The following RGS6 variants were observed in gnomAD, a reference collection of about 807,000 sequenced individuals.
RGS6 encodes the protein regulator of G-protein signaling 6.
Under a neutral mutation model 78.5 loss-of-function variants are expected in RGS6, and 30 were observed. The observed-to-expected ratio is 0.38, with a 90% CI of 0.29 to 0.52. The LOEUF is 0.52. Among genes scored for constraint, RGS6 ranks in the 20% least tolerant of loss-of-function variants. RGS6 has a pLI of 0.85. For missense variants in RGS6, 495 were observed against 609.7 expected (o/e 0.81, Z 1.98); for synonymous variants, 206 against 206.0 (o/e 1.00, Z 0.00).
Position 72,458,326 on chromosome 14 carries a change from C to T in RGS6, c.291C>T (p.Ile97=). ...CTGCCCAGGGCTACATCTTTCCAAT[C>T]TCAGACCATGTTCTCACCATGAAGG... ...LIAAQGYIFP[I]SDHVLTMKDD... The change falls in exon 5 of 18, where the codon ATC becomes ATT. Residue 97 remains isoleucine, a synonymous_variant. Transcript: ENST00000553525. The T allele has an allele frequency of 6.2e-7, 1 of 1,614,214 alleles. No individual in the cohort carries two copies. Among genetic ancestry groups the T allele is most frequent in the South Asian group, 1.1e-5 (1 of 91,076 alleles).
At chr14:72,504,311 AT>A (rs1401540941) in intron 13 of RGS6, among the ~76,000 whole-genome samples, 1 of 152,238 alleles carries the variant, frequency 6.6e-6, no homozygotes, top group Non-Finnish European at 1.5e-5. Context: ...GTGCTTAACA[AT>A]TCTGTCTTTA....
rs546556141 is a variant in RGS6 at position 71,990,643 on chromosome 14, C to T, written c.84+25768C>T. ...TCCTTCTTCGTCTTCATTCCCGGGGCAGCTTCTTCTGCCCACCCCGTGAAA... is the reference window on the plus strand; with the variant it reads ...TCCTTCTTCGTCTTCATTCCCGGGGTAGCTTCTTCTGCCCACCCCGTGAAA... On this transcript the variant is annotated intron_variant, in intron 2 of 17. Coordinates refer to ENST00000553525, the MANE Select transcript of RGS6 (RefSeq NM_001204424.2). The T allele has an allele frequency of 1.2e-3, 556 of 456,024 alleles. 3 individuals are homozygous for T. The highest frequency in any genetic ancestry group is 9.8e-3 in the African/African-American group (490 of 50,178). 28.2% of individuals were successfully genotyped at this position (456,024 alleles called of 1,614,324 possible).
At position 72,319,322 on chromosome 14, in the gene RGS6, G is replaced by A. The variant is rs562468374; in HGVS notation, c.85-32773G>A. 2.4e-4 allele frequency among the ~76,000 whole-genome samples: 36 copies of A among 151,938 alleles called. No individual in the cohort carries two copies. In the South Asian group the frequency reaches 5.4e-3, roughly 23 times the overall value. On this transcript the variant is annotated intron_variant, in intron 2 of 17. Coordinates refer to ENST00000553525, the MANE Select transcript of RGS6 (RefSeq NM_001204424.2). ...GAGAAGAGAAGAAACATACACTGAT[G>A]TAGCTCTCCAGAGAACTGAAGGGGG...
At chr14:72,231,923 A>C (rs2049732443) in intron 2 of RGS6, among the ~76,000 whole-genome samples, 1 of 152,124 alleles carries the variant, frequency 6.6e-6, no homozygotes, top group Non-Finnish European at 1.5e-5. Flanking sequence ...TCTGGAGTTC[A>C]TGCTGAGTGA....
chr14:72,162,307 GAA>G (rs1427042094), intron 2 of RGS6, among the ~76,000 whole-genome samples: 7 of 152,178 alleles, frequency 4.6e-5, no homozygotes, highest in Non-Finnish European at 1.0e-4. Context: ...CTTGGAGTGT[GAA>G]AAGAGTGGAC....
intron 2 of RGS6, among the ~76,000 whole-genome samples, chr14:72,095,284 AAGT>A (rs1226117160): frequency 6.6e-6 from 1 of 152,106 alleles, no homozygotes; most frequent in Non-Finnish European, 1.5e-5. Flanking sequence ...TGGTTTTAGC[AAGT>A]AGGTTTTCTT....
intron 2 of RGS6, among the ~76,000 whole-genome samples, chr14:72,160,865 A>AT (rs2096842859): frequency 1.3e-5 from 2 of 152,248 alleles, no homozygotes; most frequent in Admixed American, 1.3e-4. Context: ...GTATTTTATT[A>AT]TGATAGCCCT....
chr14:72,471,383 G>A (rs2096073226), intron 8 of RGS6, among the ~76,000 whole-genome samples: 1 of 152,230 alleles, frequency 6.6e-6, no homozygotes, highest in Non-Finnish European at 1.5e-5. Context: ...TCCCAGGGAT[G>A]ATGTCTAGGT....
chr14:72,316,913 G>GTC (rs1240912694), intron 2 of RGS6, among the ~76,000 whole-genome samples: 1 of 151,528 alleles, frequency 6.6e-6, no homozygotes, highest in African/African-American at 2.4e-5. Flanking sequence ...GTGTGTGTGT[G>GTC]TGTGTGTGTG....
At chr14:72,202,705 A>T (rs1334964817) in intron 2 of RGS6, among the ~76,000 whole-genome samples, 1 of 151,834 alleles carries the variant, frequency 6.6e-6, no homozygotes, top group Admixed American at 6.6e-5. Flanking sequence ...CTCTACAAGG[A>T]CTGGAGATGC....
chr14:72,064,452 T>C (rs1254120652), intron 2 of RGS6, among the ~76,000 whole-genome samples: 1 of 152,242 alleles, frequency 6.6e-6, no homozygotes, highest in Admixed American at 6.5e-5. Flanking sequence ...GGGAAAAATG[T>C]ATTTTTCAAG....
At chr14:72,164,756 G>C (rs2096901869) in intron 2 of RGS6, among the ~76,000 whole-genome samples, 1 of 152,094 alleles carries the variant, frequency 6.6e-6, no homozygotes, top group African/African-American at 2.4e-5. Context: ...GAGCTGAATG[G>C]TGATAACGCT....
chr14:72,428,930 G>A (rs1179518382), intron 3 of RGS6, among the ~76,000 whole-genome samples: 1 of 152,210 alleles, frequency 6.6e-6, no homozygotes, highest in Admixed American at 6.5e-5. Flanking sequence ...CTGAGAATGT[G>A]CATTTCTCAC....
chr14:71,986,008 C>T (rs1383976810), intron 2 of RGS6, among the ~76,000 whole-genome samples: 1 of 152,198 alleles, frequency 6.6e-6, no homozygotes, highest in African/African-American at 2.4e-5. Context: ...CCAAGTTCTG[C>T]AGCCAAGTTT....
intron 2 of RGS6, among the ~76,000 whole-genome samples, chr14:72,172,523 T>TC (rs2097037748): frequency 6.6e-6 from 1 of 152,164 alleles, no homozygotes; most frequent in African/African-American, 2.4e-5. Context: ...GTATGCATCC[T>TC]CCCCCCAGCA....
chr14:72,057,191 GT>G (rs1312568630), intron 2 of RGS6, among the ~76,000 whole-genome samples: 2 of 151,910 alleles, frequency 1.3e-5, no homozygotes, highest in Non-Finnish European at 2.9e-5. Flanking sequence ...GCAGGTGCCT[GT>G]AATCCCAGCT....
intron 2 of RGS6, among the ~76,000 whole-genome samples, chr14:72,190,864 A>G (rs550992542): frequency 6.6e-6 from 1 of 152,192 alleles, no homozygotes; most frequent in Non-Finnish European, 1.5e-5. Context: ...GAGGCCTTTC[A>G]AAACCCCTGT....
At chr14:71,901,091 A>T in the RGS6 span, among the ~76,000 whole-genome samples, 1 of 152,386 alleles carries the variant, frequency 6.6e-6, no homozygotes, top group South Asian at 2.1e-4. Context: ...ATCACATTTC[A>T]ACATGAGACT....
intron 2 of RGS6, among the ~76,000 whole-genome samples, chr14:72,323,198 G>T (rs2072595083): frequency 6.6e-6 from 1 of 152,024 alleles, no homozygotes; most frequent in Non-Finnish European, 1.5e-5. Flanking sequence ...AGGTGATTGA[G>T]TACAAAAATA....
Sources: allele counts gnomAD v4.1 joint callset (sites outside exome capture counted in the v4.1 genomes callset), GRCh38; gene constraint gnomAD v4.1.1; transcripts MANE v1.5; gene names NCBI Gene and HGNC (gene_info 2026-07-23, HGNC 2026-07-21).